EDIL3: variants seen among roughly 807,000 people sequenced by gnomAD.
EDIL3 encodes the protein EGF-like repeat and discoidin I-like domain-containing protein 3.
In EDIL3, 37 loss-of-function variants were observed where a neutral mutation model predicts 67.4. That is an observed-to-expected ratio of 0.55 (90% confidence interval 0.42 to 0.72). The LOEUF (loss-of-function observed/expected upper bound fraction) is 0.72, where lower values mean the gene tolerates loss of function less well. EDIL3 is among the 30% of genes least tolerant of loss of function. The pLI is 0.00. For missense variants in EDIL3, 527 were observed against 586.3 expected (o/e 0.90, Z 1.04); for synonymous variants, 195 against 196.3 (o/e 0.99, Z 0.05).
intron 2 of EDIL3, among the ~76,000 whole-genome samples, chr5:84,234,714 T>C (rs1242091971): frequency 3.9e-5 from 6 of 152,190 alleles, no homozygotes; most frequent in Admixed American, 1.3e-4. Context: ...ATAACATATT[T>C]TACATGTGAA....
intron 3 of EDIL3, among the ~76,000 whole-genome samples, chr5:84,201,469 A>C (rs1323743652): frequency 2.6e-5 from 4 of 152,088 alleles, no homozygotes; most frequent in South Asian, 4.1e-4. Context: ...TTGGTAGCTC[A>C]TGTACCATAC....
At chr5:84,151,798 A>G (rs1748399132) in intron 4 of EDIL3, among the ~76,000 whole-genome samples, 1 of 152,150 alleles carries the variant, frequency 6.6e-6, no homozygotes, top group African/African-American at 2.4e-5. Flanking sequence ...GAAGTTCATG[A>G]AGTACATTGA....
At chr5:83,966,133 T>G (rs1345327714) in intron 9 of EDIL3, among the ~76,000 whole-genome samples, 1 of 152,068 alleles carries the variant, frequency 6.6e-6, no homozygotes, top group African/African-American at 2.4e-5. Context: ...GCTGCAAATA[T>G]GCTGGACAAA....
At chr5:84,368,819 C>G (rs574834500) in intron 1 of EDIL3, among the ~76,000 whole-genome samples, 2 of 152,108 alleles carry the variant, frequency 1.3e-5, no homozygotes, top group African/African-American at 4.8e-5. Flanking sequence ...AGGAATTGAA[C>G]AGATGTTTTC....
chr5:84,050,717 T>C (rs1447337608), intron 9 of EDIL3, among the ~76,000 whole-genome samples: 1 of 152,208 alleles, frequency 6.6e-6, no homozygotes, highest in Non-Finnish European at 1.5e-5. Flanking sequence ...CGCTCATTGC[T>C]AGCCCAGCAG....
At chr5:84,097,163 G>C (rs1443928104) in intron 6 of EDIL3, among the ~76,000 whole-genome samples, 2 of 152,066 alleles carry the variant, frequency 1.3e-5, no homozygotes, top group Non-Finnish European at 2.9e-5. Context: ...AGAAATAACT[G>C]TTTTTCCTCT....
chr5:84,257,767 A>C (rs538098879), intron 1 of EDIL3, among the ~76,000 whole-genome samples: 68 of 152,354 alleles, frequency 4.5e-4, no homozygotes, highest in African/African-American at 1.5e-3. Context: ...TGACTTGTTA[A>C]GTATGAAGGT....
At chr5:83,986,338 C>T (rs1745057134) in intron 9 of EDIL3, among the ~76,000 whole-genome samples, 1 of 151,918 alleles carries the variant, frequency 6.6e-6, no homozygotes, top group East Asian at 1.9e-4. Flanking sequence ...AGAACTAAAA[C>T]TAGCAGATAT....
At chr5:84,071,860 A>T (rs1746745771) in intron 6 of EDIL3, among the ~76,000 whole-genome samples, 1 of 152,208 alleles carries the variant, frequency 6.6e-6, no homozygotes, top group Non-Finnish European at 1.5e-5. Flanking sequence ...ATACCGGCAC[A>T]CATGGAGACA....
At chr5:83,968,030 T>C (rs983173063) in intron 9 of EDIL3, among the ~76,000 whole-genome samples, 6 of 152,152 alleles carry the variant, frequency 3.9e-5, no homozygotes, top group Non-Finnish European at 5.9e-5. Flanking sequence ...AACTGACTTA[T>C]AGGCAACGTA....
chr5:83,977,342 A>G (rs1186629041), intron 9 of EDIL3, among the ~76,000 whole-genome samples: 7 of 151,736 alleles, frequency 4.6e-5, no homozygotes, highest in African/African-American at 1.2e-4. Flanking sequence ...GATGTATTCT[A>G]TTTGCTAATA....
At chr5:83,979,600 GA>G (rs1744934363) in intron 9 of EDIL3, among the ~76,000 whole-genome samples, 1 of 151,994 alleles carries the variant, frequency 6.6e-6, no homozygotes, top group Non-Finnish European at 1.5e-5. Flanking sequence ...ATATATTATT[GA>G]ACAAATATGA....
chr5:84,264,173 G>A (rs1430969731), intron 1 of EDIL3, among the ~76,000 whole-genome samples: 3 of 152,188 alleles, frequency 2.0e-5, no homozygotes, highest in Non-Finnish European at 4.4e-5. Flanking sequence ...TTGAACCAAA[G>A]AGGTGGAGGT....
chr5:84,030,390 C>A (rs115715024), intron 9 of EDIL3, among the ~76,000 whole-genome samples: 4 of 151,978 alleles, frequency 2.6e-5, no homozygotes, highest in Non-Finnish European at 5.9e-5. Flanking sequence ...ACTTCACAAA[C>A]GTTAAACATG....
At chr5:84,023,091 G>A (rs1361367236) in intron 9 of EDIL3, among the ~76,000 whole-genome samples, 1 of 151,858 alleles carries the variant, frequency 6.6e-6, no homozygotes, top group African/African-American at 2.4e-5. Flanking sequence ...TGAGTCTAAA[G>A]AAGTGTCTGA....
chr5:84,270,235 AATG>A (rs1476158286), intron 1 of EDIL3, among the ~76,000 whole-genome samples: 1 of 152,216 alleles, frequency 6.6e-6, no homozygotes, highest in African/African-American at 2.4e-5. Flanking sequence ...TAGAAGCAGA[AATG>A]ATAACTACTA....
intron 1 of EDIL3, among the ~76,000 whole-genome samples, chr5:84,301,160 C>A (rs946080294): frequency 8.6e-5 from 13 of 151,570 alleles, no homozygotes; most frequent in African/African-American, 3.2e-4. Flanking sequence ...CCCGGCTACT[C>A]GGGAGGCTGA....
chr5:84,173,112 G>A (rs924178077), intron 4 of EDIL3, among the ~76,000 whole-genome samples: 13 of 152,158 alleles, frequency 8.5e-5, no homozygotes, highest in Non-Finnish European at 1.9e-4. Flanking sequence ...ATAAATCCTA[G>A]GCTGGCCATG....
intron 9 of EDIL3, among the ~76,000 whole-genome samples, chr5:84,025,345 C>A (rs1043019303): frequency 1.3e-5 from 2 of 152,182 alleles, no homozygotes; most frequent in African/African-American, 4.8e-5. Context: ...ACATCACTCC[C>A]ATTACCGCCT....
Sources: gnomAD v4.1 joint callset for allele counts (sites outside exome capture counted in the v4.1 genomes callset) on GRCh38, gnomAD v4.1.1 for gene constraint, MANE v1.5 for transcripts, NCBI Gene and HGNC (gene_info 2026-07-23, HGNC 2026-07-21) for gene names.